The following RASAL2 variants were observed in gnomAD, a reference collection of about 807,000 sequenced individuals.
RASAL2 encodes the protein ras GTPase-activating protein nGAP.
Under a neutral mutation model 128.9 loss-of-function variants are expected in RASAL2, and 58 were observed. The ratio of observed to expected loss-of-function variants is 0.45; its 90% CI spans 0.36 to 0.56. The LOEUF is 0.56. RASAL2 is among the 20% of genes least tolerant of loss of function. RASAL2 has a pLI of 0.00. For synonymous variants in RASAL2, 561 were observed against 580.8 expected, an observed-to-expected ratio of 0.97 and a Z score of 0.49; for missense variants, 1,360 against 1,601.6, an observed-to-expected ratio of 0.85 and a Z score of 2.57.
chr1:178,423,721 G>A (rs1243182608), intron 5 of RASAL2, among the ~76,000 whole-genome samples: 1 of 151,844 alleles, frequency 6.6e-6, no homozygotes, highest in Non-Finnish European at 1.5e-5. Flanking sequence ...GGATGGGGGG[G>A]GATTTCTTTG....
intron 3 of RASAL2, chr1:178,341,444 T>C (rs951796549): frequency 2.0e-6 from 3 of 1,466,252 alleles, no homozygotes; most frequent in Admixed American, 2.5e-5. Flanking sequence ...GGCTCTGGCT[T>C]TTCTGCATTC....
intron 1 of RASAL2, among the ~76,000 whole-genome samples, chr1:178,255,168 C>T (rs1448481207): frequency 3.9e-5 from 6 of 152,052 alleles, no homozygotes; most frequent in East Asian, 1.9e-4. Flanking sequence ...GACAAATTGT[C>T]ACCAGCAGAC....
chr1:178,140,298 T>G (rs1047248366), intron 1 of RASAL2, among the ~76,000 whole-genome samples: 8 of 152,224 alleles, frequency 5.3e-5, no homozygotes, highest in African/African-American at 1.7e-4. Flanking sequence ...CTATGTTAGT[T>G]TGGTACATTT....
rs532783389 is a variant in RASAL2, at chr1:178,229,938, G to T, written c.203-53626G>T. Among the ~76,000 whole-genome samples, 13 of 152,206 alleles carry T rather than the reference G, an allele frequency of 8.5e-5. No individual in the cohort carries two copies. In the South Asian group the frequency reaches 2.5e-3, roughly 29 times the overall value. On this transcript the variant is annotated intron_variant, in intron 1 of 17. Coordinates refer to ENST00000367649, the MANE Select transcript of RASAL2 (RefSeq NM_170692.4). ...AAGTTTCCATCACCAAAAGCTTCCTGGTTCTCCTTTCTGGTTAATAATAAT... is the reference window on the plus strand; with the variant it reads ...AAGTTTCCATCACCAAAAGCTTCCTTGTTCTCCTTTCTGGTTAATAATAAT...
intron 1 of RASAL2, among the ~76,000 whole-genome samples, chr1:178,142,170 G>A (rs986158129): frequency 1.3e-5 from 2 of 152,138 alleles, no homozygotes; most frequent in East Asian, 1.9e-4. Flanking sequence ...CTGTCGCCTG[G>A]ATTTTTGGGT....
intron 1 of RASAL2, among the ~76,000 whole-genome samples, chr1:178,226,301 G>A (rs1254772579): frequency 6.6e-6 from 1 of 152,204 alleles, no homozygotes; most frequent in Admixed American, 6.5e-5. Flanking sequence ...GTTTCTTTGT[G>A]CCCACATCAT....
intron 5 of RASAL2, among the ~76,000 whole-genome samples, chr1:178,431,338 A>G (rs1406447871): frequency 6.6e-6 from 1 of 152,144 alleles, no homozygotes; most frequent in Non-Finnish European, 1.5e-5. Context: ...ATAAACATGT[A>G]CAAATGTCCT....
At chr1:178,460,304 T>TA (rs1678089858) in intron 14 of RASAL2, among the ~76,000 whole-genome samples, 2 of 126,880 alleles carry the variant, frequency 1.6e-5, no homozygotes, top group Non-Finnish European at 3.7e-5. Context: ...ATAAAGATTC[T>TA]TTTTTTTTTC....
At chr1:178,232,242 C>G (rs1416542565) in intron 1 of RASAL2, among the ~76,000 whole-genome samples, 6 of 152,084 alleles carry the variant, frequency 3.9e-5, no homozygotes, top group African/African-American at 1.4e-4. Flanking sequence ...AGAACTTAAC[C>G]AGCAAAAACT....
At chr1:178,291,955 G>A (rs1460175615) in intron 2 of RASAL2, among the ~76,000 whole-genome samples, 2 of 146,034 alleles carry the variant, frequency 1.4e-5, no homozygotes, top group Admixed American at 7.0e-5. Context: ...GAAATCCTTT[G>A]AACTCGGGAG....
chr1:178,208,816 C>G (rs1663153540), intron 1 of RASAL2, among the ~76,000 whole-genome samples: 1 of 152,096 alleles, frequency 6.6e-6, no homozygotes, highest in Non-Finnish European at 1.5e-5. Flanking sequence ...GTGGGCATCA[C>G]TGTCCTACCG....
intron 3 of RASAL2, among the ~76,000 whole-genome samples, chr1:178,313,381 G>A (rs899436274): frequency 2.0e-5 from 3 of 152,118 alleles, no homozygotes; most frequent in African/African-American, 7.2e-5. Flanking sequence ...GGCTAAGAGA[G>A]GTAAAAGTGG....
At chr1:178,168,566 A>G (rs184503985) in intron 1 of RASAL2, among the ~76,000 whole-genome samples, 120 of 152,200 alleles carry the variant, frequency 7.9e-4, no homozygotes, top group African/African-American at 2.9e-3. Context: ...GTCTCATTTT[A>G]AAATTTGGAA....
At chr1:178,314,525 A>G (rs1464819278) in intron 3 of RASAL2, among the ~76,000 whole-genome samples, 1 of 152,196 alleles carries the variant, frequency 6.6e-6, no homozygotes, top group Non-Finnish European at 1.5e-5. Flanking sequence ...CTGTCATTTT[A>G]TGAATTCAAA....
intron 1 of RASAL2, among the ~76,000 whole-genome samples, chr1:178,100,488 C>CA: frequency 6.6e-6 from 1 of 150,476 alleles, no homozygotes; most frequent in South Asian, 2.1e-4. Context: ...CGTGCCACTG[C>CA]ACTCCAGCCT....
intron 3 of RASAL2, among the ~76,000 whole-genome samples, chr1:178,356,670 T>C (rs1670829705): frequency 6.6e-6 from 1 of 152,154 alleles, no homozygotes; most frequent in African/African-American, 2.4e-5. Context: ...TAAAACTAAA[T>C]AAAAGCAAGG....
chr1:178,222,998 A>G (rs900133383), intron 1 of RASAL2, among the ~76,000 whole-genome samples: 1 of 152,150 alleles, frequency 6.6e-6, no homozygotes, highest in Non-Finnish European at 1.5e-5. Context: ...CTGCTTCCTC[A>G]CCCATGATCT....
chr1:178,289,834 T>A (rs1199798450), intron 2 of RASAL2, among the ~76,000 whole-genome samples: 2 of 152,228 alleles, frequency 1.3e-5, no homozygotes, highest in African/African-American at 2.4e-5. Context: ...TCTTCATCGT[T>A]ATTTCATGAG....
chr1:178,131,533 A>G (rs1472019113), intron 1 of RASAL2, among the ~76,000 whole-genome samples: 4 of 151,898 alleles, frequency 2.6e-5, no homozygotes, highest in Non-Finnish European at 5.9e-5. Flanking sequence ...GATATATTTC[A>G]GTTCATTCTC....
Sources: allele counts gnomAD v4.1 joint callset (sites outside exome capture counted in the v4.1 genomes callset), GRCh38; gene constraint gnomAD v4.1.1; transcripts MANE v1.5; gene names NCBI Gene and HGNC (gene_info 2026-07-23, HGNC 2026-07-21).